The following ASB2 variants were observed in gnomAD, a reference collection of about 807,000 sequenced individuals.
The protein encoded by ASB2 is ankyrin repeat and SOCS box protein 2.
ASB2 carries 58 observed loss-of-function variants against 62.4 expected under a neutral mutation model. That is an observed-to-expected ratio of 0.93 (90% confidence interval 0.75 to 1.16). The LOEUF is 1.16. Ranked by LOEUF, ASB2 falls within the 50% of genes most tolerant of loss-of-function variation. The pLI is 0.00. For missense variants in ASB2, 928 were observed against 887.9 expected, an observed-to-expected ratio of 1.05 and a Z score of -0.57; for synonymous variants, 386 against 385.3, an observed-to-expected ratio of 1.00 and a Z score of -0.02.
chr14:93,951,607 C>CA (rs767564061), intron 5 of ASB2, among the ~76,000 whole-genome samples: 2 of 152,182 alleles, frequency 1.3e-5, no homozygotes, highest in Non-Finnish European at 2.9e-5. Context: ...GTGGCTTGCC[C>CA]AAAGTCACAC....
rs749193769 is a variant in ASB2, at chr14:93,937,854, G to A, written c.1618-3C>T. The A allele has an allele frequency of 1.9e-6, 3 of 1,591,834 alleles. No individual in the cohort carries two copies. Among genetic ancestry groups the A allele is most frequent in the South Asian group, 1.1e-5 (1 of 90,266 alleles). On this transcript the variant is annotated splice_polypyrimidine_tract_variant and splice_region_variant and intron_variant, in intron 8 of 9. Transcript: ENST00000555019. ...GGGGCAGATACGAACTCACAGAACT[G>A]AAAGAGAACATGCCGGGACCAAGAA... is the stretch of plus-strand genomic sequence containing the variant.
chr14:93,949,117 C>T (rs1049881792), intron 6 of ASB2, among the ~76,000 whole-genome samples: 11 of 152,208 alleles, frequency 7.2e-5, no homozygotes, highest in Non-Finnish European at 1.5e-5. Context: ...GAGAATTCAG[C>T]AGTCCTTCCT....
chr14:93,957,306 G>A (rs1889261535), intron 2 of ASB2: 2 of 1,086,000 alleles, frequency 1.8e-6, no homozygotes, highest in Admixed American at 4.8e-5. Flanking sequence ...TCATGGCAAA[G>A]CAGAGGATAG....
chr14:93,945,708 G>A (rs577460218), intron 7 of ASB2, among the ~76,000 whole-genome samples: 75 of 152,280 alleles, frequency 4.9e-4, no homozygotes, highest in African/African-American at 1.6e-3. Context: ...TGGGGAGTGG[G>A]GAGGGCATCT....
At chr14:93,935,323 A>G (rs2141264436) in intron 9 of ASB2, among the ~76,000 whole-genome samples, 1 of 152,354 alleles carries the variant, frequency 6.6e-6, no homozygotes. Context: ...CCCAGGAGCC[A>G]CGTAGTGGAG....
intron 1 of ASB2, chr14:93,970,084 T>G (rs1156965180): frequency 1.3e-5 from 2 of 152,308 alleles, no homozygotes; most frequent in Admixed American, 6.5e-5. Flanking sequence ...CAACCCAGGT[T>G]TGCAGACAGC....
chr14:93,947,559 C>T (rs745423168), intron 6 of ASB2, 39 bp from the exon 7 acceptor site: 15 of 1,605,750 alleles, frequency 9.3e-6, no homozygotes, highest in East Asian at 2.2e-5. Context: ...GCCAAGTGAC[C>T]GGGAAGTTGC....
chr14:93,956,202 C>T (rs1426928226), intron 3 of ASB2, among the ~76,000 whole-genome samples: 1 of 152,126 alleles, frequency 6.6e-6, no homozygotes, highest in Non-Finnish European at 1.5e-5. Flanking sequence ...ATTAGCCCTG[C>T]CCCCTGGTGC....
At chr14:93,956,596 C>T (rs1889216180) in intron 3 of ASB2, among the ~76,000 whole-genome samples, 170 bp downstream of exon 3, 1 of 152,206 alleles carries the variant, frequency 6.6e-6, no homozygotes, top group African/African-American at 2.4e-5. Flanking sequence ...CCCATCTCAG[C>T]AGGAGCAGTG....
rs1166220940 is a variant in ASB2, at chr14:93,937,595, A to T, written c.1771+103T>A. The T allele has an allele frequency of 4.2e-6, 5 of 1,177,544 alleles. No individual in the cohort carries two copies. In the East Asian group the frequency reaches 1.3e-4, roughly 30 times the overall value. The allele number at this position is 1,177,544 out of a possible 1,614,324, so 72.9% of individuals were successfully genotyped here. On this transcript the variant is annotated intron_variant, in intron 9 of 9. Coordinates refer to ENST00000555019, the MANE Select transcript of ASB2 (RefSeq NM_001202429.2). ...CAAGGAGTTACAGAGCCTGGCAAGC[A>T]GCAGGTGCTCACAGGGTTAGGAACA...
In ASB2 at chr14:93,950,945, C is replaced by A. The variant is rs532364320; in HGVS notation, c.880+54G>T. On this transcript the variant is annotated intron_variant, in intron 6 of 9. Transcript: ENST00000555019. ...TTCCCTTAGAGCTGACCTCTGACAT[C>A]CTTCCCGTGTGCCCTTTGGGGACTC... The A allele has an allele frequency of 1.1e-5, 18 of 1,568,074 alleles. No individual in the cohort carries two copies. In the South Asian group the frequency reaches 1.9e-4, roughly 17 times the overall value.
intron 9 of ASB2, among the ~76,000 whole-genome samples, chr14:93,935,938 C>T (rs1405132320): frequency 6.6e-6 from 1 of 152,188 alleles, no homozygotes; most frequent in Non-Finnish European, 1.5e-5. Flanking sequence ...AATGTGGTTA[C>T]CTTGTACACA....
At chr14:93,970,126 G>A (rs1889718311) in intron 1 of ASB2, among the ~76,000 whole-genome samples, 1 of 152,190 alleles carries the variant, frequency 6.6e-6, no homozygotes, top group African/African-American at 2.4e-5. Context: ...CGGTGGATGG[G>A]GTGGGTCTAT....
intron 6 of ASB2, among the ~76,000 whole-genome samples, chr14:93,947,815 G>A (rs1302510463): frequency 3.3e-5 from 5 of 151,886 alleles, no homozygotes; most frequent in African/African-American, 1.2e-4. Flanking sequence ...CCAACATGGT[G>A]AAACCCTGTC....
intron 8 of ASB2, 104 bp from the exon 9 acceptor site, chr14:93,937,955 C>A: frequency 1.6e-6 from 2 of 1,218,150 alleles, no homozygotes; most frequent in Admixed American, 2.3e-5. Flanking sequence ...ACTGTGCACA[C>A]CCAGGCTAGG....
In ASB2 at chr14:93,953,475, G is replaced by T. The variant is rs139360633; in HGVS notation, c.511C>A (p.Gln171Lys). The change falls in exon 5 of 10, where the codon CAG becomes AAG. Residue 171 changes from glutamine (Q) to lysine (K), a missense_variant. Coordinates refer to ENST00000555019, the MANE Select transcript of ASB2 (RefSeq NM_001202429.2). ...GCCAAGTAAACGGCTGTTTCCTCCT[G>T]CAGGGTGCGCTGGTCGATGGTCCCT... ...YPGTIDQRTL[Q>K]EETAVYLATC... The T allele has an allele frequency of 4.1e-4, 657 of 1,603,066 alleles. 4 individuals are homozygous for T. The African/African-American group carries it at 8.4e-3, about 20-fold the overall frequency.
intron 1 of ASB2, among the ~76,000 whole-genome samples, chr14:93,969,058 G>C (rs1807812404): frequency 1.3e-5 from 2 of 152,170 alleles, no homozygotes; most frequent in African/African-American, 2.4e-5. Context: ...CACCTTTATG[G>C]GTAAAATGGA....
rs55931387 is a variant in ASB2 at position 93,955,259 on chromosome 14, T to A, written c.312-776A>T. On this transcript the variant is annotated intron_variant, in intron 3 of 9. Coordinates refer to ENST00000555019, the MANE Select transcript of ASB2 (RefSeq NM_001202429.2). ...CCAGGACACCCACGCCATGTTGGGC[T>A]AGGATGGGCTCTGGGCGGTCTCTGC... is the stretch of plus-strand genomic sequence containing the variant. 3,245 of 436,380 alleles carry A rather than the reference T, an allele frequency of 7.4e-3. 76 individuals carry two copies. The highest frequency in any genetic ancestry group is 0.054 in the African/African-American group (2,663 of 49,662). The allele number at this position is 436,380 out of a possible 1,614,324, so 27.0% of individuals were successfully genotyped here.
At position 93,964,383 on chromosome 14, in the gene ASB2, C is replaced by T. The variant is rs944011813; in HGVS notation, c.157G>A (p.Ala53Thr). 5.5e-5 allele frequency: 85 copies of T among 1,536,012 alleles called. No homozygotes were observed. The highest frequency in any genetic ancestry group is 8.2e-5 in the African/African-American group (6 of 73,030). Residue 53 changes from alanine to threonine, a missense_variant, in exon 2 of 10, where the codon GCG becomes ACG. Coordinates refer to ENST00000555019, the MANE Select transcript of ASB2 (RefSeq NM_001202429.2). ...GGTTGGCGGTTGGTACATGCAGACG[C>T]GGTGGCCTCAGCAGTGGTTGGGCCC... is the stretch of plus-strand genomic sequence containing the variant. ...TRGPTTAEAT[A>T]SACTNRQPAH...
Sources: gnomAD v4.1 joint callset for allele counts (sites outside exome capture counted in the v4.1 genomes callset) on GRCh38, gnomAD v4.1.1 for gene constraint, MANE v1.5 for transcripts, NCBI Gene and HGNC (gene_info 2026-07-23, HGNC 2026-07-21) for gene names.